TRPM2: variants seen among roughly 807,000 people sequenced by gnomAD.
TRPM2 encodes transient receptor potential cation channel subfamily M member 2.
In TRPM2, 161 loss-of-function variants were observed where a neutral mutation model predicts 174.0. The ratio of observed to expected loss-of-function variants is 0.93; its 90% CI spans 0.81 to 1.05. The LOEUF is 1.05. Among genes scored for constraint, TRPM2 ranks in the 50% least tolerant of loss-of-function variants. The pLI is 0.00. For missense variants in TRPM2, 2,057 were observed against 2,038.0 expected, an observed-to-expected ratio of 1.01 and a Z score of -0.18; for synonymous variants, 954 against 861.3, an observed-to-expected ratio of 1.11 and a Z score of -1.88.
Position 44,379,093 on chromosome 21 carries a change from GTCTCGGACATCACTA to G in TRPM2, c.1116_1130del (p.Asp373_Ser377del). On this transcript the variant is annotated inframe_deletion, in exon 8 of 32. Coordinates refer to ENST00000397928, the MANE Select transcript of TRPM2 (RefSeq NM_003307.4). ...CATTGCCCAGGTGGCCAACCTGCCTGTCTCGGACATCACTATCTCCCTGATCCAGCAGAAACTGAG... is the reference window on the plus strand; with the variant it reads ...CATTGCCCAGGTGGCCAACCTGCCTGTCTCCCTGATCCAGCAGAAACTGAG... The G allele has an allele frequency of 6.2e-7, 1 of 1,613,370 alleles. No individual in the cohort carries two copies. Among genetic ancestry groups the G allele is most frequent in the Non-Finnish European group, 8.5e-7 (1 of 1,180,026 alleles).
At chr21:44,413,852 T>C (rs774893617) in intron 19 of TRPM2, 39 bp from the exon 20 acceptor site, 83 of 1,590,716 alleles carry the variant, frequency 5.2e-5, no homozygotes, top group Non-Finnish European at 6.4e-5. Flanking sequence ...TGACTCTGTG[T>C]TGTTTTCTTG....
Position 44,424,846 on chromosome 21 carries a change from T to C in TRPM2, c.3550-6T>C. 3.2e-6 allele frequency: 5 copies of C among 1,587,220 alleles called. No individual in the cohort carries two copies. The highest frequency in any genetic ancestry group is 4.3e-6 in the Non-Finnish European group (5 of 1,166,842). ...TGCTCACTGTGTCTCGGGCCATGCC[T>C]TCCAGGTGGCCCAGACAGCCCAAGC... On this transcript the variant is annotated splice_polypyrimidine_tract_variant and splice_region_variant and intron_variant, in intron 23 of 31. Coordinates refer to ENST00000397928, the MANE Select transcript of TRPM2 (RefSeq NM_003307.4).
Position 44,397,749 on chromosome 21 carries a change from C to T in TRPM2, c.1935C>T (p.Ser645=). 8.2e-6 allele frequency: 13 copies of T among 1,580,114 alleles called. No individual in the cohort carries two copies. The highest frequency in any genetic ancestry group is 1.1e-5 in the Non-Finnish European group (13 of 1,161,818). The change falls in exon 13 of 32, where the codon AGC becomes AGT. Residue 645 remains serine (S), a splice_region_variant and synonymous_variant. Coordinates refer to ENST00000397928, the MANE Select transcript of TRPM2 (RefSeq NM_003307.4). ...ACGGTGGCTCCTCTGGTCCCCAGAG[C>T]CAGGACTGCATCGCAGCGGCCTTGG... ...RELAGIIWAQ[S]QDCIAAALAC... is the part of the protein sequence containing the mutation.
Position 44,366,667 on chromosome 21 carries a change from G to T in TRPM2, c.424-87G>T. 1 of 1,583,880 alleles carries T rather than the reference G, an allele frequency of 6.3e-7. No homozygotes were observed. On this transcript the variant is annotated intron_variant, in intron 3 of 31. Transcript: ENST00000397928. This position sits in a 1 kb window ranked among gnomAD's most constrained non-coding sequence, Gnocchi z 6.0. ...AGGTGTGCGGTGTCTGCCGCCCGCT[G>T]GGGCCTCTCTGCATGGCCTGTGTGG... is the stretch of plus-strand genomic sequence containing the variant.
Position 44,401,762 on chromosome 21 carries a change from G to A in TRPM2, c.2403G>A (p.Leu801=). The change falls in exon 16 of 32, where the codon CTG becomes CTA. Residue 801 remains leucine, a synonymous_variant. Transcript: ENST00000397928. ...CCGCACCCGTGGTGGTCTTCCACCT[G>A]AACATCCTCTCCTACTTCGCCTTCC... ...FFTAPVVVFH[L]NILSYFAFLC... 1 of 1,613,710 alleles carries A rather than the reference G, an allele frequency of 6.2e-7. No homozygotes were observed. Among genetic ancestry groups the A allele is most frequent in the Non-Finnish European group, 8.5e-7 (1 of 1,180,022 alleles).
intron 5 of TRPM2, among the ~76,000 whole-genome samples, chr21:44,372,990 T>G (rs1420099309): frequency 2.0e-5 from 3 of 152,196 alleles, no homozygotes; most frequent in East Asian, 1.9e-4. Flanking sequence ...TGATATAACA[T>G]TTGTGAAAAC....
chr21:44,404,924 TAGTGAC>T (rs1302554436), intron 16 of TRPM2, among the ~76,000 whole-genome samples: 1 of 123,884 alleles, frequency 8.1e-6, no homozygotes, highest in Non-Finnish European at 1.9e-5. Context: ...ATAGTGATGA[TAGTGAC>T]AGTGATAGTG....
intron 2 of TRPM2, among the ~76,000 whole-genome samples, chr21:44,363,612 G>A (rs190762480): frequency 2.0e-5 from 3 of 152,286 alleles, no homozygotes; most frequent in Admixed American, 6.5e-5. Flanking sequence ...CATTTCTAAT[G>A]TGGCTGCTTT....
At chr21:44,374,072 G>A (rs973670456) in intron 5 of TRPM2, among the ~76,000 whole-genome samples, 6 of 151,226 alleles carry the variant, frequency 4.0e-5, no homozygotes, top group Non-Finnish European at 5.9e-5. Context: ...GTGCAGTGGT[G>A]CGATCTTGGC....
At position 44,379,013 on chromosome 21, in the gene TRPM2, C is replaced by T. The variant is rs143568825; in HGVS notation, c.1031C>T (p.Thr344Ile). The change falls in exon 8 of 32, where the codon ACC (threonine) becomes ATC (isoleucine). Residue 344 changes from threonine to isoleucine, a missense_variant. Physicochemically the swap from Thr to Ile is moderately conservative, Grantham distance 89 (BLOSUM62 -1). Transcript: ENST00000397928. Reference sequence around the variant, plus strand: ...GCCTTGCAGACCATCGACAACGCCACCACCAACGGCACCCCCTGTGTGGTT... The same window carrying T: ...GCCTTGCAGACCATCGACAACGCCATCACCAACGGCACCCCCTGTGTGGTT... ...PGTLHTIDNA[T>I]TNGTPCVVVE... 188 of 1,607,200 alleles carry T rather than the reference C, an allele frequency of 1.2e-4. No individual in the cohort carries two copies. The African/African-American group carries it at 2.2e-3, about 19-fold the overall frequency.
Position 44,439,815 on chromosome 21 carries a change from G to A in TRPM2, c.4269+647G>A, listed in dbSNP as rs922591451. Among the ~76,000 whole-genome samples, 2 of 151,958 alleles carry A rather than the reference G, an allele frequency of 1.3e-5. No individual in the cohort carries two copies. Among genetic ancestry groups the A allele is most frequent in the Admixed American group, 6.5e-5 (1 of 15,276 alleles). ...TGGCTTGCTGCAGCCTCCACCTCCC[G>A]GGCTCAAGCAATGCTCTTGCCTTGG... On this transcript the variant is annotated intron_variant, in intron 30 of 31. Transcript: ENST00000397928. The surrounding 1 kb of genome is among the most constrained non-coding windows in gnomAD (Gnocchi z 5.1).
At chr21:44,422,439 G>C in intron 22 of TRPM2, 1 of 1,535,490 alleles carries the variant, frequency 6.5e-7, no homozygotes, top group South Asian at 1.2e-5. Flanking sequence ...AGCGGCTTTT[G>C]TGGGATTAAG....
In TRPM2 at chr21:44,376,711, G is replaced by A. The variant is rs1005966193; in HGVS notation, c.952+698G>A. 6.6e-6 allele frequency among the ~76,000 whole-genome samples: 1 copy of A among 152,162 alleles called. No homozygotes were observed. Among genetic ancestry groups the A allele is most frequent in the African/African-American group, 2.4e-5 (1 of 41,430 alleles). On this transcript the variant is annotated intron_variant, in intron 6 of 31. Transcript: ENST00000397928. The surrounding 1 kb of genome is among the most constrained non-coding windows in gnomAD (Gnocchi z 4.2). ...GGGGTTTTGCATATCACTTGAGGAG[G>A]GTTCAAAGAGGAGATGGTGAACGGG...
chr21:44,425,139 C>T, intron 24 of TRPM2, 200 bp downstream of exon 24: 1 of 571,980 alleles, frequency 1.7e-6, no homozygotes, highest in South Asian at 2.2e-5. Context: ...CCGCCCAATC[C>T]CTGACCTGAC....
intron 22 of TRPM2, among the ~76,000 whole-genome samples, chr21:44,421,452 T>C (rs1862479523): frequency 6.6e-6 from 1 of 152,106 alleles, no homozygotes; most frequent in Non-Finnish European, 1.5e-5. Flanking sequence ...AGTTATTTTC[T>C]GAGGTTGAAA....
chr21:44,424,745 CAG>C lies in TRPM2; in HGVS notation c.3550-106_3550-105del, dbSNP rs2050687358. The C allele has an allele frequency of 9.2e-6, 6 of 655,612 alleles. No homozygotes were observed. In the East Asian group the frequency reaches 1.3e-4, roughly 14 times the overall value. 40.6% of individuals were successfully genotyped at this position (655,612 alleles called of 1,614,324 possible). On this transcript the variant is annotated intron_variant, in intron 23 of 31. Transcript: ENST00000397928. ...TTCAAAGGGCGCAGGGGCTGAGTGA[CAG>C]GGGTGGGGCTCCTGGCTGGGGGAGT...
intron 22 of TRPM2, among the ~76,000 whole-genome samples, chr21:44,420,044 T>G (rs879255977): frequency 3.3e-5 from 5 of 152,028 alleles, no homozygotes; most frequent in Non-Finnish European, 5.9e-5. Context: ...GTGAGGACCT[T>G]AATGAACTAG....
intron 8 of TRPM2, among the ~76,000 whole-genome samples, chr21:44,382,412 G>A (rs1032672297): frequency 1.3e-5 from 2 of 152,222 alleles, no homozygotes; most frequent in African/African-American, 4.8e-5. Context: ...GTGAGGAGTG[G>A]CCTGGGCTTA....
In TRPM2 at chr21:44,366,969, CG is replaced by C; in HGVS notation, c.604+38del. On this transcript the variant is annotated intron_variant, in intron 4 of 31. Transcript: ENST00000397928. The surrounding 1 kb of genome is among the most constrained non-coding windows in gnomAD (Gnocchi z 6.0). ...AGGCTGGAGGGACACGAGGCCCCGG[CG>C]GGTGGGGTGGGCTGTGGAGGCAGTG... 3 of 1,542,058 alleles carry C rather than the reference CG, an allele frequency of 1.9e-6. No individual in the cohort carries two copies. Among genetic ancestry groups the C allele is most frequent in the Non-Finnish European group, 2.6e-6 (3 of 1,141,338 alleles).
Sources: gnomAD v4.1 joint callset for allele counts (sites outside exome capture counted in the v4.1 genomes callset) on GRCh38, gnomAD v4.1.1 for gene constraint, Gnocchi (gnomAD v3.1) non-coding constraint, MANE v1.5 for transcripts, NCBI Gene and HGNC (gene_info 2026-07-23, HGNC 2026-07-21) for gene names.